BCAR1: variants seen among roughly 807,000 people sequenced by gnomAD.
BCAR1 encodes BCAR1 scaffold protein, Cas family member, also known as breast cancer anti-estrogen resistance protein 1.
A neutral mutation model predicts 67.6 loss-of-function variants in BCAR1; 30 were observed. That is an observed-to-expected ratio of 0.44 (90% confidence interval 0.33 to 0.60). BCAR1 has a LOEUF of 0.60. Among genes scored for constraint, BCAR1 ranks in the 20% least tolerant of loss-of-function variants. The pLI, the probability that BCAR1 is intolerant of heterozygous loss-of-function variation, is 0.02. For missense variants in BCAR1, 1,313 were observed against 1,222.3 expected (o/e 1.07, Z -1.11); for synonymous variants, 626 against 556.7 (o/e 1.12, Z -1.75).
chr16:75,251,325 G>A (rs1022538592), intron 1 of BCAR1, 146 bp downstream of exon 1: 8 of 1,173,528 alleles, frequency 6.8e-6, no homozygotes, highest in African/African-American at 1.6e-5. Flanking sequence ...TCCCGGCCAG[G>A]GCAGAAGGAG....
chr16:75,238,966 CA>C (rs2077239623), intron 2 of BCAR1: 1 of 985,406 alleles, frequency 1.0e-6, no homozygotes, highest in South Asian at 4.7e-5. Context: ...CCTCCAAAAG[CA>C]CCCTGCCGGT....
At chr16:75,234,230 A>G (rs1044520371) in intron 5 of BCAR1, among the ~76,000 whole-genome samples, 1 of 149,490 alleles carries the variant, frequency 6.7e-6, no homozygotes, top group East Asian at 2.0e-4. Flanking sequence ...TGTGGGACAC[A>G]GCCCCCCCAG....
chr16:75,259,870 A>G (rs1324593044), intron 1 of BCAR1, among the ~76,000 whole-genome samples: 1 of 150,194 alleles, frequency 6.7e-6, no homozygotes, highest in East Asian at 2.0e-4. Context: ...AAAAAAAAAA[A>G]AAAGAATAAA....
At position 75,237,171 on chromosome 16, in the gene BCAR1, C is replaced by T. The variant is rs781099702; in HGVS notation, c.795+12G>A. ...CGCCCTGCCCTCCCACCGCTGCGCA[C>T]CCCACACCTACCTCCTGGCCATACT... is the stretch of plus-strand genomic sequence containing the variant. On this transcript the variant is annotated intron_variant, in intron 3 of 6. Coordinates refer to ENST00000162330, the MANE Select transcript of BCAR1 (RefSeq NM_014567.5). The T allele has an allele frequency of 1.9e-6, 3 of 1,563,934 alleles. No individual in the cohort carries two copies. In the South Asian group the frequency reaches 3.6e-5, roughly 19 times the overall value.
Position 75,237,484 on chromosome 16 carries a change from T to C in BCAR1, c.634-140A>G, listed in dbSNP as rs1430625151. 4.8e-6 allele frequency: 5 copies of C among 1,040,276 alleles called. No homozygotes were observed. The East Asian group carries it at 1.3e-4, about 27-fold the overall frequency. 64.4% of individuals were successfully genotyped at this position (1,040,276 alleles called of 1,614,324 possible). On this transcript the variant is annotated intron_variant, in intron 2 of 6. Transcript: ENST00000162330. ...GGACGGGGCTCCCCAAGGATGCCAG[T>C]TCTCACCCCCTCTGCACCATCTGAC...
chr16:75,263,409 G>A, intron 1 of BCAR1: 1 of 985,418 alleles, frequency 1.0e-6, no homozygotes, highest in Non-Finnish European at 1.2e-6. Flanking sequence ...GAAGGCATGG[G>A]AATACCCACA....
chr16:75,251,716 A>G, upstream of BCAR1: 2 of 983,364 alleles, frequency 2.0e-6, no homozygotes, highest in East Asian at 1.1e-4. Flanking sequence ...GCCGCTCTCC[A>G]TGCAAATAAG....
upstream of BCAR1, chr16:75,252,438 G>A: frequency 1.4e-6 from 2 of 1,435,514 alleles, no homozygotes; most frequent in Non-Finnish European, 9.1e-7. Flanking sequence ...ATCACTCGGG[G>A]GAAACCGAGT....
chr16:75,261,020 A>G (rs1342056896), intron 1 of BCAR1, among the ~76,000 whole-genome samples: 2 of 152,224 alleles, frequency 1.3e-5, no homozygotes, highest in African/African-American at 2.4e-5. Flanking sequence ...AAAATGACTG[A>G]AAAACCTTCC....
intron 1 of BCAR1, among the ~76,000 whole-genome samples, chr16:75,262,809 C>T (rs1189458730): frequency 6.6e-6 from 1 of 152,202 alleles, no homozygotes; most frequent in Non-Finnish European, 1.5e-5. Context: ...CACCCTGCTG[C>T]ACAGCCTTGG....
intron 1 of BCAR1, among the ~76,000 whole-genome samples, chr16:75,244,134 C>A (rs2077443357): frequency 1.3e-5 from 2 of 152,220 alleles, no homozygotes; most frequent in South Asian, 4.1e-4. Flanking sequence ...CGGCACTGGG[C>A]TCCAGCCACC....
At chr16:75,250,832 G>A (rs2151460922) in intron 1 of BCAR1, 2 of 985,492 alleles carry the variant, frequency 2.0e-6, no homozygotes, top group Non-Finnish European at 2.4e-6. Context: ...GACTCCTGTG[G>A]CCAGGACCCG....
At chr16:75,259,868 AAAAAAG>A (rs1256520149) in intron 1 of BCAR1, among the ~76,000 whole-genome samples, 1 of 150,272 alleles carries the variant, frequency 6.7e-6, no homozygotes, top group African/African-American at 2.4e-5. Context: ...AAAAAAAAAA[AAAAAAG>A]AATAAAACCA....
At chr16:75,264,409 C>A in intron 1 of BCAR1, 1 of 1,531,492 alleles carries the variant, frequency 6.5e-7, no homozygotes, top group Non-Finnish European at 8.7e-7. Flanking sequence ...CCCACAGGAG[C>A]AGGGCTGGCC....
intron 6 of BCAR1, 26 bp from the exon 7 acceptor site, chr16:75,230,049 G>C: frequency 2.0e-6 from 3 of 1,518,624 alleles, no homozygotes. Context: ...AGCAGGAGCA[G>C]GGTTAGGCTC....
chr16:75,264,668 T>C (rs901071143), intron 1 of BCAR1: 2 of 1,250,950 alleles, frequency 1.6e-6, no homozygotes, highest in African/African-American at 3.1e-5. Context: ...ATAACAATGC[T>C]TTGCACTTGG....
At chr16:75,265,387 C>T (rs1853215571) in intron 1 of BCAR1, among the ~76,000 whole-genome samples, 1 of 152,166 alleles carries the variant, frequency 6.6e-6, no homozygotes. Context: ...CAGCACAGGC[C>T]TCCCACCCCC....
rs376797650 is a variant in BCAR1, at chr16:75,235,315, A to T, written c.1584T>A (p.Asn528Lys). 8 of 1,603,608 alleles carry T rather than the reference A, an allele frequency of 5.0e-6. No homozygotes were observed. In the African/African-American group the frequency reaches 1.1e-4, roughly 21 times the overall value. Residue 528 changes from asparagine to lysine, a missense_variant, in exon 5 of 7, where the codon AAT becomes AAA. By Grantham distance (94) the Asn-to-Lys change is moderately conservative. Coordinates refer to ENST00000162330, the MANE Select transcript of BCAR1 (RefSeq NM_014567.5). Reference protein sequence around the residue: ...LLEFARSAVGNAAHTSDRALH... With the variant: ...LLEFARSAVGKAAHTSDRALH... ...GGGCACGGTCAGATGTGTGGGCAGC[A>T]TTGCCCACCGCGCTGCGGGCAAACT... is the stretch of plus-strand genomic sequence containing the variant.
At chr16:75,237,067 C>T (rs1402234120) in intron 3 of BCAR1, 69 bp from the exon 4 acceptor site, 14 of 1,528,880 alleles carry the variant, frequency 9.2e-6, no homozygotes, top group East Asian at 4.7e-5. Flanking sequence ...GTGGGAACCC[C>T]GCAGCACCGT....
Sources: gnomAD v4.1 joint callset for allele counts (sites outside exome capture counted in the v4.1 genomes callset) on GRCh38, gnomAD v4.1.1 for gene constraint, MANE v1.5 for transcripts, NCBI Gene and HGNC (gene_info 2026-07-23, HGNC 2026-07-21) for gene names.